CNTNAP2: variants seen among roughly 807,000 people sequenced by gnomAD.
CNTNAP2 encodes contactin-associated protein-like 2.
CNTNAP2 carries 98 observed loss-of-function variants against 155.2 expected under a neutral mutation model. That is an observed-to-expected ratio of 0.63 (90% CI 0.54 to 0.75). The LOEUF (loss-of-function observed/expected upper bound fraction) is 0.75. Among genes scored for constraint, CNTNAP2 ranks in the 30% least tolerant of loss-of-function variants. The pLI is 0.00. For synonymous variants in CNTNAP2, 651 were observed against 631.2 expected (o/e 1.03, Z -0.47); for missense variants, 1,727 against 1,688.1 (o/e 1.02, Z -0.40).
At position 146,200,742 on chromosome 7, in the gene CNTNAP2, G is replaced by A. The variant is rs747129690; in HGVS notation, c.97+83769G>A. ...CTAGGATTGCGCAAATGCACTCTGC[G>A]ATGTTTATATCATGGAATCCCCTGG... On this transcript the variant is annotated intron_variant, in intron 1 of 23. Coordinates refer to ENST00000361727, the MANE Select transcript of CNTNAP2 (RefSeq NM_014141.6). Among the ~76,000 whole-genome samples, 4 of 152,174 alleles carry A rather than the reference G, an allele frequency of 2.6e-5. No individual in the cohort carries two copies. In the East Asian group the frequency reaches 5.8e-4, roughly 22 times the overall value.
At chr7:146,149,086 C>T (rs573734825) in intron 1 of CNTNAP2, among the ~76,000 whole-genome samples, 176 of 151,816 alleles carry the variant, frequency 1.2e-3, no homozygotes, top group African/African-American at 4.2e-3. Flanking sequence ...ATGTAAATGA[C>T]GAGTTAATGG....
At chr7:146,419,393 C>T (rs1490803781) in intron 1 of CNTNAP2, among the ~76,000 whole-genome samples, 1 of 152,008 alleles carries the variant, frequency 6.6e-6, no homozygotes, top group South Asian at 2.1e-4. Context: ...ACAGCCAAAC[C>T]ATATCACCTT....
chr7:147,090,527 T>C (rs1800379903), intron 4 of CNTNAP2, among the ~76,000 whole-genome samples: 1 of 152,172 alleles, frequency 6.6e-6, no homozygotes, highest in Non-Finnish European at 1.5e-5. Context: ...GCCATGAATA[T>C]TTTTCTTAAT....
At chr7:147,648,276 G>C (rs1364054835) in intron 13 of CNTNAP2, among the ~76,000 whole-genome samples, 2 of 152,142 alleles carry the variant, frequency 1.3e-5, no homozygotes, top group African/African-American at 4.8e-5. Context: ...CTTTGGTAAA[G>C]AACAAGGACA....
intron 12 of CNTNAP2, among the ~76,000 whole-genome samples, chr7:147,604,726 A>T (rs1365615821): frequency 3.3e-5 from 5 of 152,162 alleles, no homozygotes; most frequent in Non-Finnish European, 7.3e-5. Flanking sequence ...CAACTCTGGC[A>T]CTTCTGAAAT....
chr7:147,715,835 C>T (rs1796475230), intron 13 of CNTNAP2, among the ~76,000 whole-genome samples: 1 of 152,140 alleles, frequency 6.6e-6, no homozygotes, highest in Non-Finnish European at 1.5e-5. Flanking sequence ...GTAAGCTGCG[C>T]ACTTACATCT....
intron 1 of CNTNAP2, among the ~76,000 whole-genome samples, chr7:146,535,866 C>G (rs918033485): frequency 2.0e-5 from 3 of 152,032 alleles, no homozygotes; most frequent in Admixed American, 1.3e-4. Flanking sequence ...ACTGTATTCC[C>G]TACTTTATGA....
At chr7:147,451,730 A>C (rs1423788015) in intron 10 of CNTNAP2, among the ~76,000 whole-genome samples, 1 of 151,882 alleles carries the variant, frequency 6.6e-6, no homozygotes, top group Non-Finnish European at 1.5e-5. Flanking sequence ...GTATTCCTAC[A>C]AAGAGGTTGC....
At chr7:146,582,167 T>C (rs1798621399) in intron 1 of CNTNAP2, among the ~76,000 whole-genome samples, 1 of 152,064 alleles carries the variant, frequency 6.6e-6, no homozygotes, top group South Asian at 2.1e-4. Context: ...TAGTCTGGAG[T>C]GGGTGACTTC....
chr7:146,248,321 G>T (rs1042589859), intron 1 of CNTNAP2, among the ~76,000 whole-genome samples: 4 of 152,140 alleles, frequency 2.6e-5, no homozygotes, highest in Non-Finnish European at 5.9e-5. Context: ...GAGAGAAGGG[G>T]TTGGGGTACT....
intron 3 of CNTNAP2, among the ~76,000 whole-genome samples, chr7:146,934,039 C>G (rs1227790711): frequency 6.6e-6 from 1 of 152,096 alleles, no homozygotes; most frequent in Non-Finnish European, 1.5e-5. Context: ...GTGGCGTTTC[C>G]TCAGGGATCT....
chr7:147,949,440 G>GTGTATATATATATATATATATATATATA (rs374972144), intron 14 of CNTNAP2, among the ~76,000 whole-genome samples: 1 of 127,366 alleles, frequency 7.9e-6, no homozygotes, highest in Non-Finnish European at 1.7e-5. Flanking sequence ...TCAACTGTGT[G>GTGTATATATATATATATATATATATATA]TATATATATA....
intron 13 of CNTNAP2, among the ~76,000 whole-genome samples, chr7:147,688,494 T>A (rs967875118): frequency 1.3e-5 from 2 of 152,136 alleles, no homozygotes; most frequent in Non-Finnish European, 2.9e-5. Context: ...ACAGCTCAAC[T>A]CCCAGAACAG....
At chr7:147,046,326 T>C (rs57003922) in intron 4 of CNTNAP2, among the ~76,000 whole-genome samples, 3,756 of 152,306 alleles carry the variant, frequency 0.025, 152 homozygotes, top group African/African-American at 0.081. Context: ...CAAAGATTAG[T>C]TCTTGTTTTT....
intron 4 of CNTNAP2, among the ~76,000 whole-genome samples, chr7:147,099,502 G>A (rs781559824): frequency 9.2e-5 from 14 of 151,988 alleles, no homozygotes; most frequent in African/African-American, 2.7e-4. Flanking sequence ...ACCAGCCTCC[G>A]TTTACTCATA....
Position 146,782,416 on chromosome 7 carries a change from C to T in CNTNAP2, c.208+8035C>T, listed in dbSNP as rs534557933. On this transcript the variant is annotated intron_variant, in intron 2 of 23. Coordinates refer to ENST00000361727, the MANE Select transcript of CNTNAP2 (RefSeq NM_014141.6). ...TCCTGGAAACACCTGCTGATTTTGT[C>T]GGCTCTGAGGCAGTGCTGAGCAGTA... 9.2e-5 allele frequency among the ~76,000 whole-genome samples: 14 copies of T among 152,238 alleles called. No individual in the cohort carries two copies. In the East Asian group the frequency reaches 9.7e-4, roughly 11 times the overall value.
At chr7:146,368,822 T>C (rs1427325380) in intron 1 of CNTNAP2, among the ~76,000 whole-genome samples, 1 of 147,162 alleles carries the variant, frequency 6.8e-6, no homozygotes, top group Admixed American at 7.0e-5. Context: ...CACTACTACT[T>C]GATTCTTCAG....
intron 1 of CNTNAP2, among the ~76,000 whole-genome samples, chr7:146,616,260 A>T (rs926149625): frequency 6.6e-6 from 1 of 152,208 alleles, no homozygotes. Context: ...GGTGAGGGGA[A>T]CATTTTCCAG....
At chr7:146,130,725 A>G (rs898153132) in intron 1 of CNTNAP2, among the ~76,000 whole-genome samples, 4 of 152,184 alleles carry the variant, frequency 2.6e-5, no homozygotes, top group Admixed American at 2.6e-4. Flanking sequence ...TGATAAAGGG[A>G]AGAGGTGTAA....
Sources: allele counts gnomAD v4.1 joint callset (sites outside exome capture counted in the v4.1 genomes callset), GRCh38; gene constraint gnomAD v4.1.1; transcripts MANE v1.5; gene names NCBI Gene and HGNC (gene_info 2026-07-23, HGNC 2026-07-21).